The following RBM33 variants were observed in gnomAD, a reference collection of about 807,000 sequenced individuals.
RBM33 encodes the protein RNA-binding protein 33.
Under a neutral mutation model 132.6 loss-of-function variants are expected in RBM33, and 28 were observed. The observed-to-expected ratio is 0.21, with a 90% confidence interval of 0.16 to 0.29. The LOEUF (loss-of-function observed/expected upper bound fraction) is 0.29, where lower values mean the gene tolerates loss of function less well. Ranked by LOEUF, RBM33 falls within the 10% of genes least tolerant of loss-of-function variation. RBM33 has a pLI of 1.00. For synonymous variants in RBM33, 634 were observed against 593.0 expected, an observed-to-expected ratio of 1.07 and a Z score of -1.01; for missense variants, 1,291 against 1,518.5, an observed-to-expected ratio of 0.85 and a Z score of 2.49.
intron 5 of RBM33, among the ~76,000 whole-genome samples, chr7:155,699,899 A>G (rs1263097014): frequency 6.6e-6 from 1 of 152,234 alleles, no homozygotes; most frequent in Non-Finnish European, 1.5e-5. Context: ...AGGAGCAAAT[A>G]TATTCTCCTT....
chr7:155,661,083 CTGTGTGTGTGTGTGGTGTG>C (rs1188963841), intron 1 of RBM33, among the ~76,000 whole-genome samples: 1 of 132,306 alleles, frequency 7.6e-6, no homozygotes, highest in African/African-American at 2.8e-5. Flanking sequence ...AAAATAATTT[CTGTGTGTGTGTGTGGTGTG>C]TGTGTGTGTG....
chr7:155,741,942 C>T lies in RBM33; in HGVS notation c.2173C>T (p.Arg725Cys), dbSNP rs775429594. The change falls in exon 13 of 18, where the codon CGC becomes TGC. Residue 725 changes from arginine to cysteine, a missense_variant. Transcript: ENST00000401878. ...ACACGTGATAGAAATGAGCAGCAGC[C>T]GCTGCTCTGCCACGCCCTCAGCACA... Reference protein sequence around the residue: ...PSHVIEMSSSRCSATPSAQVK... With the variant: ...PSHVIEMSSSCCSATPSAQVK... 62 of 1,613,868 alleles carry T rather than the reference C, an allele frequency of 3.8e-5. No homozygotes were observed. Among genetic ancestry groups the T allele is most frequent in the East Asian group, 6.7e-5 (3 of 44,892 alleles).
intron 2 of RBM33, 98 bp from the exon 3 acceptor site, chr7:155,672,769 A>G (rs940354867): frequency 1.6e-6 from 1 of 612,822 alleles, no homozygotes; most frequent in South Asian, 2.3e-5. Context: ...AAAAAAAGGT[A>G]CCTGAGCTGT....
chr7:155,767,500 G>A (rs1003937493), intron 16 of RBM33, among the ~76,000 whole-genome samples: 1 of 152,228 alleles, frequency 6.6e-6, no homozygotes, highest in Non-Finnish European at 1.5e-5. Context: ...CTTCATGGGT[G>A]GATTTGGAAA....
At chr7:155,692,101 G>T (rs1476270067) in intron 5 of RBM33, among the ~76,000 whole-genome samples, 2 of 151,362 alleles carry the variant, frequency 1.3e-5, no homozygotes, top group African/African-American at 4.9e-5. Flanking sequence ...AGTGTCTCTT[G>T]TGTGGGGGAG....
chr7:155,686,985 G>A (rs963727361), intron 5 of RBM33, among the ~76,000 whole-genome samples: 8 of 152,086 alleles, frequency 5.3e-5, no homozygotes, highest in African/African-American at 1.9e-4. Flanking sequence ...AATCCTTTGG[G>A]TATATACCCA....
rs1039759398 is a variant in RBM33, at chr7:155,696,538, G to A, written c.568-4235G>A. 9.9e-5 allele frequency among the ~76,000 whole-genome samples: 15 copies of A among 152,236 alleles called. No individual in the cohort carries two copies. The East Asian group carries it at 2.3e-3, about 23-fold the overall frequency. On this transcript the variant is annotated intron_variant, in intron 5 of 17. Transcript: ENST00000401878. ...TCATCATTAAGTATGCTAGCTGTAC[G>A]TTTTTATATCAGATTGAAGAAGGTC...
At chr7:155,723,595 A>T (rs534263239) in intron 9 of RBM33, among the ~76,000 whole-genome samples, 3 of 152,218 alleles carry the variant, frequency 2.0e-5, no homozygotes, top group Admixed American at 6.5e-5. Context: ...GCAGCTAAAC[A>T]CTATGGTAAC....
At chr7:155,766,809 A>G (rs1802237235) in intron 16 of RBM33, 154 bp downstream of exon 16, 1 of 722,736 alleles carries the variant, frequency 1.4e-6, no homozygotes, top group African/African-American at 1.8e-5. Context: ...CATACTTAGT[A>G]TCAGAACATT....
At chr7:155,733,786 G>C (rs1034692282) in intron 9 of RBM33, among the ~76,000 whole-genome samples, 1 of 152,196 alleles carries the variant, frequency 6.6e-6, no homozygotes, top group African/African-American at 2.4e-5. Flanking sequence ...CACATTGCTA[G>C]TACCTTCCTG....
chr7:155,665,186 G>T lies in RBM33; in HGVS notation c.55G>T (p.Asp19Tyr). The change falls in exon 2 of 18, where the codon GAC becomes TAC. Residue 19 changes from aspartate to tyrosine, a missense_variant. Transcript: ENST00000401878. ...GGAGAGDDDF[D>Y]QFDKPGAERS... is the part of the protein sequence containing the mutation. Reference sequence around the variant, plus strand: ...GACTGTTCTCATAGATGATGACTTTGACCAGTTTGATAAGCCTGGCGCGGA... The same window carrying T: ...GACTGTTCTCATAGATGATGACTTTTACCAGTTTGATAAGCCTGGCGCGGA... 6.2e-7 allele frequency: 1 copy of T among 1,613,774 alleles called. No homozygotes were observed. Among genetic ancestry groups the T allele is most frequent in the South Asian group, 1.1e-5 (1 of 91,030 alleles).
At chr7:155,703,813 C>G (rs1015740170) in intron 6 of RBM33, among the ~76,000 whole-genome samples, 3 of 151,936 alleles carry the variant, frequency 2.0e-5, no homozygotes, top group African/African-American at 7.3e-5. Context: ...TCCTAGAGAT[C>G]AAAATAAAAA....
chr7:155,665,671 G>T (rs564500196), intron 2 of RBM33, among the ~76,000 whole-genome samples: 10 of 152,056 alleles, frequency 6.6e-5, no homozygotes, highest in Non-Finnish European at 1.3e-4. Flanking sequence ...TCATTTTCCT[G>T]GTTACCAGTG....
At chr7:155,690,181 T>C (rs1799594381) in intron 5 of RBM33, among the ~76,000 whole-genome samples, 1 of 152,208 alleles carries the variant, frequency 6.6e-6, no homozygotes, top group African/African-American at 2.4e-5. Flanking sequence ...ATGTGTAGGA[T>C]AGTTAGCTCT....
At chr7:155,687,775 T>G (rs187201528) in intron 5 of RBM33, among the ~76,000 whole-genome samples, 95 of 152,334 alleles carry the variant, frequency 6.2e-4, no homozygotes, top group African/African-American at 2.2e-3. Context: ...TTGTCAAAGA[T>G]CAGATGGTTG....
Position 155,738,290 on chromosome 7 carries a change from C to T in RBM33, c.1624C>T (p.His542Tyr). ...GCCTCCAGGTCCGGTGGGGATTCTG[C>T]ACTTTAGCCAGCCTGGGTCGGCAAC... ...LQPPGPVGIL[H>Y]FSQPGSATTR... Residue 542 changes from histidine (H) to tyrosine (Y), a missense_variant, in exon 11 of 18, where the codon CAC becomes TAC. Physicochemically the swap from His to Tyr is moderately conservative, Grantham distance 83. This residue lies in a region of RBM33 where 841 missense variants were observed against 912.0 expected (regional missense o/e 0.92). Transcript: ENST00000401878. 1 of 1,613,966 alleles carries T rather than the reference C, an allele frequency of 6.2e-7. No homozygotes were observed. The highest frequency in any genetic ancestry group is 8.5e-7 in the Non-Finnish European group (1 of 1,179,880).
intron 5 of RBM33, among the ~76,000 whole-genome samples, chr7:155,695,706 C>T (rs1585449372): frequency 6.6e-6 from 1 of 152,196 alleles, no homozygotes; most frequent in South Asian, 2.1e-4. Context: ...AGTGATCTGC[C>T]CGCCTTGGCC....
chr7:155,664,960 A>G (rs1798761639), intron 1 of RBM33, among the ~76,000 whole-genome samples: 1 of 151,336 alleles, frequency 6.6e-6, no homozygotes, highest in Non-Finnish European at 1.5e-5. Flanking sequence ...CATGCCCAAT[A>G]ATGTTCAATA....
At chr7:155,721,570 A>C (rs1800628566) in intron 9 of RBM33, among the ~76,000 whole-genome samples, 1 of 152,194 alleles carries the variant, frequency 6.6e-6, no homozygotes, top group African/African-American at 2.4e-5. Context: ...GTACCACTAG[A>C]TTTCCAAATT....
Sources: gnomAD v4.1 joint callset for allele counts (sites outside exome capture counted in the v4.1 genomes callset) on GRCh38, gnomAD v4.1.1 for gene constraint, gnomAD v4.1.1 regional missense constraint, MANE v1.5 for transcripts, NCBI Gene and HGNC (gene_info 2026-07-23, HGNC 2026-07-21) for gene names.